Variants in CD226 observed in about 807,000 individuals in gnomAD.
CD226 encodes the protein CD226 antigen.
CD226 carries 24 observed loss-of-function variants against 34.9 expected under a neutral mutation model. That is an observed-to-expected ratio of 0.69 (90% CI 0.50 to 0.97). CD226 has a LOEUF of 0.97. Ranked by LOEUF, CD226 falls within the 50% of genes least tolerant of loss-of-function variation. The pLI, the probability that CD226 is intolerant of heterozygous loss-of-function variation, is 0.00. For synonymous variants in CD226, 148 were observed against 147.4 expected, an observed-to-expected ratio of 1.00 and a Z score of -0.03; for missense variants, 397 against 412.7, an observed-to-expected ratio of 0.96 and a Z score of 0.33.
At chr18:69,918,164 C>T (rs531509715) in intron 2 of CD226, among the ~76,000 whole-genome samples, 65 of 152,288 alleles carry the variant, frequency 4.3e-4, no homozygotes, top group Middle Eastern at 3.4e-3. Context: ...AGACCCATCA[C>T]GTCCCTGAAA....
At chr18:69,886,536 T>C (rs1984567656) in intron 3 of CD226, among the ~76,000 whole-genome samples, 1 of 151,994 alleles carries the variant, frequency 6.6e-6, no homozygotes, top group Non-Finnish European at 1.5e-5. Context: ...TGAAACCCCG[T>C]CTCTTCTAAA....
intron 2 of CD226, among the ~76,000 whole-genome samples, chr18:69,921,911 T>C (rs1010760823): frequency 6.6e-6 from 1 of 152,200 alleles, no homozygotes; most frequent in African/African-American, 2.4e-5. Context: ...TTGTTTCTTT[T>C]GGTAGAAATT....
intron 3 of CD226, among the ~76,000 whole-genome samples, chr18:69,886,859 T>TAG (rs1479786173): frequency 6.6e-6 from 1 of 152,206 alleles, no homozygotes; most frequent in African/African-American, 2.4e-5. Context: ...CAGCAAGCCT[T>TAG]AGGCTGAATA....
At chr18:69,944,589 G>A (rs1460566465) in intron 2 of CD226, 1 of 152,244 alleles carries the variant, frequency 6.6e-6, no homozygotes, top group Non-Finnish European at 1.5e-5. Context: ...AACCAAAACA[G>A]CTAATTTGGA....
In CD226 at chr18:69,856,517, A is replaced by G. The variant is rs916565269; in HGVS notation, c.*7797T>C. On this transcript the variant is annotated 3_prime_UTR_variant, in exon 6 of 6. Transcript: ENST00000582621. ...CAGCAGAATGAACATTCTTCTTAAG[A>G]TCACATGAAACATTCTACAAGATAG... 1.3e-5 allele frequency: 2 copies of G among 152,174 alleles called. No homozygotes were observed. The highest frequency in any genetic ancestry group is 4.8e-5 in the African/African-American group (2 of 41,456). 9.4% of individuals were successfully genotyped at this position (152,174 alleles called of 1,614,324 possible).
intron 2 of CD226, among the ~76,000 whole-genome samples, chr18:69,906,962 T>A (rs1283293422): frequency 2.0e-5 from 3 of 152,058 alleles, no homozygotes; most frequent in African/African-American, 7.2e-5. Context: ...CCCCGCTAGG[T>A]TGGAGCACTG....
upstream of CD226, among the ~76,000 whole-genome samples, chr18:69,948,268 T>C (rs117439187): frequency 0.012 from 1,877 of 152,282 alleles, 23 homozygotes; most frequent in South Asian, 0.037. Flanking sequence ...GTTCCAATTC[T>C]TAAGAACTTG....
intron 1 of CD226, among the ~76,000 whole-genome samples, chr18:69,953,715 C>T (rs534136435): frequency 6.6e-6 from 1 of 152,216 alleles, no homozygotes; most frequent in South Asian, 2.1e-4. Flanking sequence ...AATATTTAAT[C>T]TTGACCTGGT....
chr18:69,883,494 G>A lies in CD226; in HGVS notation c.728-10248C>T, dbSNP rs75878422. ...CACATAGAGCAAAGCGCAAGACTTG[G>A]TGCTCAGAGGACACCAGGACAGCCA... is the stretch of plus-strand genomic sequence containing the variant. On this transcript the variant is annotated intron_variant, in intron 3 of 5. Coordinates refer to ENST00000582621, the MANE Select transcript of CD226 (RefSeq NM_001303618.2). Among the ~76,000 whole-genome samples the A allele has an allele frequency of 5.6e-3, 853 of 152,252 alleles. 4 individuals carry two copies. Among genetic ancestry groups the A allele is most frequent in the Non-Finnish European group, 9.0e-3 (611 of 68,030 alleles).
chr18:69,931,579 G>C (rs2055590002), intron 2 of CD226, among the ~76,000 whole-genome samples: 1 of 152,180 alleles, frequency 6.6e-6, no homozygotes, highest in Non-Finnish European at 1.5e-5. Flanking sequence ...AAGGTAGAGA[G>C]ACCGACAGAA....
chr18:69,871,285 C>T (rs899056625), intron 4 of CD226, among the ~76,000 whole-genome samples: 4 of 152,176 alleles, frequency 2.6e-5, no homozygotes, highest in Non-Finnish European at 5.9e-5. Context: ...CGGTTCCTTA[C>T]TTCAATTTGC....
Position 69,896,005 on chromosome 18 carries a change from A to C in CD226, c.423T>G (p.Val141=). The C allele has an allele frequency of 1.2e-6, 2 of 1,613,052 alleles. No homozygotes were observed. The highest frequency in any genetic ancestry group is 1.7e-6 in the Non-Finnish European group (2 of 1,179,906). The change falls in exon 3 of 6, where the codon GTT becomes GTG. Residue 141 remains valine, a synonymous_variant. Coordinates refer to ENST00000582621, the MANE Select transcript of CD226 (RefSeq NM_001303618.2). ...GTGTGACATTCTTTCCAGGTTCCGA[A>C]ACAATGTGGCTATTTGATGGCACAG... ...EAAVPSNSHI[V]SEPGKNVTLT... is the part of the protein sequence containing the mutation.
intron 2 of CD226, among the ~76,000 whole-genome samples, chr18:69,933,368 G>A (rs575429539): frequency 6.6e-6 from 1 of 152,214 alleles, no homozygotes; most frequent in Admixed American, 6.5e-5. Flanking sequence ...CATCTCCCTG[G>A]TATGCGATGT....
chr18:69,958,788 AAC>A (rs59835947), upstream of CD226, among the ~76,000 whole-genome samples: 7,950 of 143,654 alleles, frequency 0.055, 260 homozygotes, highest in Middle Eastern at 0.11. Flanking sequence ...TTCACAGGCA[AAC>A]ACACACACAC....
chr18:69,914,000 G>A (rs1035888242), intron 2 of CD226, among the ~76,000 whole-genome samples: 1 of 152,158 alleles, frequency 6.6e-6, no homozygotes, highest in African/African-American at 2.4e-5. Context: ...TGAGTTGGGG[G>A]AAATGCACTA....
chr18:69,895,640 C>T lies in CD226; in HGVS notation c.727+61G>A. ...TGTTTACCATAAATAAAAACAGAGA[C>T]CAGCCCACGGGGCTGGCTTTTTCCA... On this transcript the variant is annotated intron_variant, in intron 3 of 5. Coordinates refer to ENST00000582621, the MANE Select transcript of CD226 (RefSeq NM_001303618.2). The T allele has an allele frequency of 2.4e-6, 3 of 1,245,280 alleles. No homozygotes were observed. The South Asian group carries it at 4.0e-5, about 17-fold the overall frequency. The allele number at this position is 1,245,280 out of a possible 1,614,324, so 77.1% of individuals were successfully genotyped here.
intron 2 of CD226, among the ~76,000 whole-genome samples, chr18:69,908,447 G>A (rs1012927555): frequency 4.6e-5 from 7 of 152,154 alleles, no homozygotes; most frequent in Non-Finnish European, 5.9e-5. Context: ...TAGGAGTTAA[G>A]CACAATCTCA....
intron 3 of CD226, among the ~76,000 whole-genome samples, chr18:69,881,822 T>C (rs1056402413): frequency 2.0e-5 from 3 of 152,180 alleles, no homozygotes; most frequent in East Asian, 1.9e-4. Context: ...CCGGAAATAA[T>C]AGTAGCACAA....
intron 2 of CD226, among the ~76,000 whole-genome samples, chr18:69,904,813 G>C (rs538352645): frequency 1.3e-5 from 2 of 152,202 alleles, no homozygotes; most frequent in East Asian, 3.9e-4. Flanking sequence ...TTACCAATTG[G>C]CCCCCCAGGT....
Sources: allele counts gnomAD v4.1 joint callset (sites outside exome capture counted in the v4.1 genomes callset), GRCh38; gene constraint gnomAD v4.1.1; transcripts MANE v1.5; gene names NCBI Gene and HGNC (gene_info 2026-07-23, HGNC 2026-07-21).